The following GPR37L1 variants were observed in gnomAD, a reference collection of about 807,000 sequenced individuals.
GPR37L1 encodes G protein-coupled receptor 37-like 1.
A neutral mutation model predicts 18.0 loss-of-function variants in GPR37L1; 18 were observed. The observed-to-expected ratio is 1.00, with a 90% CI of 0.69 to 1.49. The LOEUF is 1.49. Ranked by LOEUF, GPR37L1 falls within the 40% of genes most tolerant of loss-of-function variation. The pLI, the probability that GPR37L1 is intolerant of heterozygous loss-of-function variation, is 0.00. For synonymous variants in GPR37L1, 256 were observed against 273.9 expected, an observed-to-expected ratio of 0.93 and a Z score of 0.65; for missense variants, 558 against 615.1, an observed-to-expected ratio of 0.91 and a Z score of 0.98.
rs1223531070 is a variant in GPR37L1, at chr1:202,123,088, GCCGAT to G, written c.128_132del (p.Arg43GlnfsTer7). 1 of 1,613,750 alleles carries G rather than the reference GCCGAT, an allele frequency of 6.2e-7. No individual in the cohort carries two copies. The highest frequency in any genetic ancestry group is 8.5e-7 in the Non-Finnish European group (1 of 1,179,940). On this transcript the variant is annotated frameshift_variant, in exon 1 of 2. Coordinates refer to ENST00000367282, the MANE Select transcript of GPR37L1 (RefSeq NM_004767.5). LOFTEE classifies it high-confidence loss of function. ...AGAGCCGAGACCCAGGAGCAGCAGAGCCGATCCAAGAGGGGCACCGAGGATGAGGA... is the reference window on the plus strand; with the variant it reads ...AGAGCCGAGACCCAGGAGCAGCAGAGCCAAGAGGGGCACCGAGGATGAGGA...
intron 1 of GPR37L1, among the ~76,000 whole-genome samples, chr1:202,125,376 G>A (rs1468996295): frequency 1.3e-5 from 2 of 151,958 alleles, no homozygotes; most frequent in Non-Finnish European, 2.9e-5. Flanking sequence ...GGTAAATTGG[G>A]GATAATAATA....
rs1571713020 is a variant in GPR37L1, at chr1:202,127,799, A to C, written c.689A>C (p.His230Pro). The C allele has an allele frequency of 6.2e-7, 1 of 1,609,968 alleles. No homozygotes were observed. Among genetic ancestry groups the C allele is most frequent in the Non-Finnish European group, 8.5e-7 (1 of 1,177,478 alleles). Residue 230 changes from histidine (H) to proline (P), a missense_variant, in exon 2 of 2, where the codon CAC becomes CCC. Transcript: ENST00000367282. ...SLCALGIDRF[H>P]VATSTLPKVR... ...TGTGCCCTGGGCATTGACCGCTTCC[A>C]CGTGGCCACCAGCACCCTGCCCAAG...
intron 1 of GPR37L1, 30 bp from the exon 2 acceptor site, chr1:202,127,711 C>G: frequency 1.4e-6 from 2 of 1,471,286 alleles, no homozygotes; most frequent in Non-Finnish European, 1.8e-6. Flanking sequence ...TGACCAAGTG[C>G]TTCTCTCTTC....
Position 202,123,441 on chromosome 1 carries a change from T to C in GPR37L1, c.478T>C (p.Tyr160His). ...SVMCIVWHSY[Y>H]LKSAWNSILA... ...CATGTGCATCGTGTGGCACAGCTACTACCTGAAGAGTGCCTGGAACTCCAT... is the reference window on the plus strand; with the variant it reads ...CATGTGCATCGTGTGGCACAGCTACCACCTGAAGAGTGCCTGGAACTCCAT... Residue 160 changes from tyrosine to histidine, a missense_variant, in exon 1 of 2, where the codon TAC becomes CAC. By Grantham distance (83) the Tyr-to-His change is moderately conservative (BLOSUM62 2). Transcript: ENST00000367282. The C allele has an allele frequency of 2.5e-6, 4 of 1,614,138 alleles. No individual in the cohort carries two copies. Among genetic ancestry groups the C allele is most frequent in the Non-Finnish European group, 3.4e-6 (4 of 1,180,016 alleles).
Position 202,127,739 on chromosome 1 carries a change from A to T in GPR37L1, c.631-2A>T. 1 of 1,549,606 alleles carries T rather than the reference A, an allele frequency of 6.5e-7. No homozygotes were observed. Among genetic ancestry groups the T allele is most frequent in the Non-Finnish European group, 8.7e-7 (1 of 1,145,900 alleles). On this transcript the variant is annotated splice_acceptor_variant, in intron 1 of 1. Coordinates refer to ENST00000367282, the MANE Select transcript of GPR37L1 (RefSeq NM_004767.5). LOFTEE classifies it high-confidence loss of function. The stretch of plus-strand genomic sequence containing the variant: ...CTCTCTTCCCTCACATCCTGCCCAC[A>T]GGTCTCCTCTCTGGGAGTCACGACT...
At chr1:202,125,335 CTT>C (rs1654631693) in intron 1 of GPR37L1, among the ~76,000 whole-genome samples, 2 of 151,968 alleles carry the variant, frequency 1.3e-5, no homozygotes, top group South Asian at 2.1e-4. Context: ...TGGTAGATTA[CTT>C]TAACTACCTA....
Position 202,122,948 on chromosome 1 carries a change from T to C in GPR37L1, c.-16T>C, listed in dbSNP as rs778003327. On this transcript the variant is annotated 5_prime_UTR_variant, in exon 1 of 2. Coordinates refer to ENST00000367282, the MANE Select transcript of GPR37L1 (RefSeq NM_004767.5). ...ACCTGCTCTTCCTGGGCTGGCTGTC[T>C]CCTGCTCATCCAGCCATGCGGTGGC... The C allele has an allele frequency of 5.0e-6, 8 of 1,611,440 alleles. No individual in the cohort carries two copies. In the African/African-American group the frequency reaches 9.3e-5, roughly 19 times the overall value.
chr1:202,125,492 C>T (rs560694836), intron 1 of GPR37L1, among the ~76,000 whole-genome samples: 20 of 152,266 alleles, frequency 1.3e-4, no homozygotes, highest in African/African-American at 4.1e-4. Context: ...CAGACACATA[C>T]GACCTCTTGT....
chr1:202,125,505 G>T (rs1654635187), intron 1 of GPR37L1, among the ~76,000 whole-genome samples: 1 of 152,134 alleles, frequency 6.6e-6, no homozygotes, highest in Admixed American at 6.5e-5. Context: ...CCTCTTGTTT[G>T]CATGTGGCTG....
chr1:202,133,383 T>C lies in GPR37L1; in HGVS notation c.*4827T>C, dbSNP rs778986725. ...GCAACCCATGCCAACTGCGGAAAAG[T>C]AACCAGCACCATACACCCCCCCCAA... On this transcript the variant is annotated 3_prime_UTR_variant, in exon 2 of 2. Transcript: ENST00000367282. 6.6e-6 allele frequency: 1 copy of C among 152,164 alleles called. No homozygotes were observed. Among genetic ancestry groups the C allele is most frequent in the Non-Finnish European group, 1.5e-5 (1 of 68,040 alleles). 9.4% of individuals were successfully genotyped at this position (152,164 alleles called of 1,614,324 possible).
chr1:202,123,625 GA>G, intron 1 of GPR37L1, 32 bp downstream of exon 1: 2 of 1,530,860 alleles, frequency 1.3e-6, no homozygotes. Context: ...GCTCTGCTGG[GA>G]GGCTGCAATC....
intron 1 of GPR37L1, among the ~76,000 whole-genome samples, chr1:202,126,964 A>G (rs930276375): frequency 3.3e-5 from 5 of 152,076 alleles, no homozygotes; most frequent in Non-Finnish European, 5.9e-5. Context: ...CAGAACTTCT[A>G]TGTCTTTATC....
intron 1 of GPR37L1, among the ~76,000 whole-genome samples, chr1:202,127,392 G>A (rs1654698352): frequency 1.3e-5 from 2 of 151,654 alleles, no homozygotes; most frequent in African/African-American, 4.9e-5. Flanking sequence ...TTGGCTCACT[G>A]CAGCCTCAGC....
chr1:202,127,735 C>T lies in GPR37L1; in HGVS notation c.631-6C>T. 6.5e-7 allele frequency: 1 copy of T among 1,546,436 alleles called. No individual in the cohort carries two copies. The highest frequency in any genetic ancestry group is 8.7e-7 in the Non-Finnish European group (1 of 1,143,860). ...GCTTCTCTCTTCCCTCACATCCTGC[C>T]CACAGGTCTCCTCTCTGGGAGTCAC... is the stretch of plus-strand genomic sequence containing the variant. On this transcript the variant is annotated splice_region_variant and splice_polypyrimidine_tract_variant and intron_variant, in intron 1 of 1. Transcript: ENST00000367282.
rs572294919 is a variant in GPR37L1 at position 202,128,706 on chromosome 1, C to G, written c.*150C>G. On this transcript the variant is annotated 3_prime_UTR_variant, in exon 2 of 2. Transcript: ENST00000367282. ...CAAGGTTTGGGAATGTCAAAGCCCC[C>G]TCCCCACACAGGGCCTTTCCTGTCC... 1 of 608,774 alleles carries G rather than the reference C, an allele frequency of 1.6e-6. No homozygotes were observed. The highest frequency in any genetic ancestry group is 2.1e-5 in the South Asian group (1 of 48,548). 37.7% of individuals were successfully genotyped at this position (608,774 alleles called of 1,614,324 possible). A position where few individuals can be genotyped will look rare whatever the true frequency, so the allele number is the denominator to read the frequency against.
rs1273890518 is a variant in GPR37L1, at chr1:202,131,934, C to T, written c.*3378C>T. 6.6e-6 allele frequency: 1 copy of T among 152,164 alleles called. No individual in the cohort carries two copies. The highest frequency in any genetic ancestry group is 1.5e-5 in the Non-Finnish European group (1 of 68,042). 9.4% of individuals were successfully genotyped at this position (152,164 alleles called of 1,614,324 possible). ...GATTATTTGTAGAGATAGGGTCTCA[C>T]TATTTTGCCCAGGCTGGTCTCAAAC... is the stretch of plus-strand genomic sequence containing the variant. On this transcript the variant is annotated 3_prime_UTR_variant, in exon 2 of 2. Coordinates refer to ENST00000367282, the MANE Select transcript of GPR37L1 (RefSeq NM_004767.5).
Position 202,130,973 on chromosome 1 carries a change from A to G in GPR37L1, c.*2417A>G, listed in dbSNP as rs3820381. 8,706 of 152,188 alleles carry G rather than the reference A, an allele frequency of 0.057. 672 individuals carry two copies. Among genetic ancestry groups the G allele is most frequent in the East Asian group, 0.34 (1,777 of 5,170 alleles). The allele number at this position is 152,188 out of a possible 1,614,324, so 9.4% of individuals were successfully genotyped here. On this transcript the variant is annotated 3_prime_UTR_variant, in exon 2 of 2. Coordinates refer to ENST00000367282, the MANE Select transcript of GPR37L1 (RefSeq NM_004767.5). ...GTGGCTCCAAGGCTCTGCCACCGCC[A>G]CCTCCCAAGCCTGCCAACGTGAATG... is the stretch of plus-strand genomic sequence containing the variant.
In GPR37L1 at chr1:202,128,213, A is replaced by G; in HGVS notation, c.1103A>G (p.Tyr368Cys). Residue 368 changes from tyrosine to cysteine, a missense_variant, in exon 2 of 2, where the codon TAC becomes TGC. Transcript: ENST00000367282. ...ACCGTGGTGGGCCTGACCGTGGTCT[A>G]CGCCTTCTGCACCCTCCCAGAGAAC... ...NSTVVGLTVV[Y>C]AFCTLPENVC... 1 of 1,613,762 alleles carries G rather than the reference A, an allele frequency of 6.2e-7. No individual in the cohort carries two copies. The highest frequency in any genetic ancestry group is 8.5e-7 in the Non-Finnish European group (1 of 1,179,960).
chr1:202,123,384 T>G lies in GPR37L1; in HGVS notation c.421T>G (p.Phe141Val). The change falls in exon 1 of 2, where the codon TTT becomes GTT. Residue 141 changes from phenylalanine (F) to valine (V), a missense_variant. Coordinates refer to ENST00000367282, the MANE Select transcript of GPR37L1 (RefSeq NM_004767.5). The part of the protein sequence containing the change: ...YAIMLLALVV[F>V]AVGIVGNLSV... ...CATCATGCTTCTGGCGCTGGTGGTG[T>G]TTGCGGTGGGCATTGTGGGCAACCT... The G allele has an allele frequency of 2.5e-6, 4 of 1,614,078 alleles. No homozygotes were observed. Among genetic ancestry groups the G allele is most frequent in the Non-Finnish European group, 3.4e-6 (4 of 1,180,000 alleles).
Sources: allele counts gnomAD v4.1 joint callset (sites outside exome capture counted in the v4.1 genomes callset), GRCh38; gene constraint gnomAD v4.1.1; transcripts MANE v1.5; gene names NCBI Gene and HGNC (gene_info 2026-07-23, HGNC 2026-07-21).